The following ATOSA variants were observed in gnomAD, a reference collection of about 807,000 sequenced individuals.
The protein encoded by ATOSA is atos homolog protein A.
At chr15:52,631,401 T>TA in the ATOSA span, among the ~76,000 whole-genome samples, 2 of 152,040 alleles carry the variant, frequency 1.3e-5, no homozygotes, top group Non-Finnish European at 2.9e-5. Context: ...CACCACTTCT[T>TA]AAAAAAAGTC....
At chr15:52,621,572 T>C in the ATOSA span, among the ~76,000 whole-genome samples, 4 of 152,226 alleles carry the variant, frequency 2.6e-5, no homozygotes, top group South Asian at 2.1e-4. Context: ...TGGGAGGTAA[T>C]TGAACCATGG....
the ATOSA span, among the ~76,000 whole-genome samples, chr15:52,584,314 G>T: frequency 6.6e-6 from 1 of 151,586 alleles, no homozygotes; most frequent in Non-Finnish European, 1.5e-5. Flanking sequence ...GGTAATTTTT[G>T]TATTTTTAGT....
the ATOSA span, among the ~76,000 whole-genome samples, chr15:52,661,101 T>C: frequency 3.3e-5 from 5 of 152,250 alleles, no homozygotes; most frequent in African/African-American, 9.6e-5. Context: ...AATTAGTTTA[T>C]ACCATTTCCT....
chr15:52,698,101 C>A, the ATOSA span, among the ~76,000 whole-genome samples: 1 of 150,624 alleles, frequency 6.6e-6, no homozygotes, highest in Non-Finnish European at 1.5e-5. Flanking sequence ...CTCAGCCTCC[C>A]GAGTAGCTGG....
the ATOSA span, among the ~76,000 whole-genome samples, chr15:52,681,764 T>TGAA: frequency 6.6e-6 from 1 of 152,240 alleles, no homozygotes; most frequent in Non-Finnish European, 1.5e-5. Context: ...TTAACTCATC[T>TGAA]TCAGCAACTC....
chr15:52,684,493 T>C, the ATOSA span, among the ~76,000 whole-genome samples: 1 of 152,218 alleles, frequency 6.6e-6, no homozygotes, highest in Non-Finnish European at 1.5e-5. Context: ...GCTATGATTG[T>C]GCCACTGTAC....
chr15:52,643,695 C>T, the ATOSA span, among the ~76,000 whole-genome samples: 1 of 151,664 alleles, frequency 6.6e-6, no homozygotes, highest in Non-Finnish European at 1.5e-5. Context: ...GCAGGCGGAT[C>T]ACAAGGTCAG....
the ATOSA span, among the ~76,000 whole-genome samples, chr15:52,704,704 A>G: frequency 2.0e-4 from 30 of 152,356 alleles, no homozygotes; most frequent in East Asian, 4.4e-3. Context: ...AAAGATATGA[A>G]CAGACAGTTC....
the ATOSA span, among the ~76,000 whole-genome samples, chr15:52,697,957 A>ATTTTTTTTTTT: frequency 7.0e-3 from 312 of 44,786 alleles, 38 homozygotes; most frequent in Non-Finnish European, 0.01. Flanking sequence ...GGGATGTAGA[A>ATTTTTTTTTTT]TTTTTTTTTT....
At chr15:52,691,868 AAG>A in the ATOSA span, among the ~76,000 whole-genome samples, 2 of 116,212 alleles carry the variant, frequency 1.7e-5, no homozygotes, top group South Asian at 2.7e-4. Flanking sequence ...GAAAAAGAAA[AAG>A]AAATTGAAAA....
chr15:52,618,170 C>T, the ATOSA span, among the ~76,000 whole-genome samples: 16 of 152,156 alleles, frequency 1.1e-4, no homozygotes, highest in Admixed American at 1.0e-3. Context: ...TCCTGAGTAG[C>T]TGGGGCTACA....
At chr15:52,610,378 C>G in the ATOSA span, 5 of 1,602,084 alleles carry the variant, frequency 3.1e-6, no homozygotes, top group Non-Finnish European at 4.3e-6. Context: ...ATCAGCAGCA[C>G]TGATTCTAGA....
At chr15:52,605,324 G>C in the ATOSA span, 8 of 1,022,478 alleles carry the variant, frequency 7.8e-6, no homozygotes, top group Admixed American at 1.9e-4. Flanking sequence ...TTTGTTTTTA[G>C]ACTCATTCCT....
the ATOSA span, among the ~76,000 whole-genome samples, chr15:52,664,346 G>A: frequency 6.6e-6 from 1 of 152,156 alleles, no homozygotes; most frequent in Non-Finnish European, 1.5e-5. Context: ...GGGAATACTG[G>A]CCCTGTATCC....
At chr15:52,637,719 C>T in the ATOSA span, among the ~76,000 whole-genome samples, 3 of 152,254 alleles carry the variant, frequency 2.0e-5, no homozygotes, top group Non-Finnish European at 4.4e-5. Flanking sequence ...AGAGCCCAAA[C>T]TCTTACATTT....
At chr15:52,634,057 A>T in the ATOSA span, among the ~76,000 whole-genome samples, 3 of 152,198 alleles carry the variant, frequency 2.0e-5, no homozygotes, top group Non-Finnish European at 4.4e-5. Context: ...TAAAAAACAA[A>T]ACAAAACCCA....
chr15:52,699,599 A>G, the ATOSA span, among the ~76,000 whole-genome samples: 347 of 151,756 alleles, frequency 2.3e-3, 6 homozygotes, highest in South Asian at 0.016. Context: ...AAAAAAACAG[A>G]TCTTATCATG....
the ATOSA span, among the ~76,000 whole-genome samples, chr15:52,583,445 C>T: frequency 4.0e-5 from 6 of 151,346 alleles, no homozygotes; most frequent in African/African-American, 1.5e-4. Context: ...CTCCTTTGCC[C>T]AGGCTGGAGT....
At chr15:52,595,040 G>A in the ATOSA span, among the ~76,000 whole-genome samples, 12 of 152,146 alleles carry the variant, frequency 7.9e-5, no homozygotes, top group African/African-American at 2.4e-4. Context: ...GCTCTTTTAC[G>A]TTTGCACATG....
Sources: gnomAD v4.1 joint callset for allele counts (sites outside exome capture counted in the v4.1 genomes callset) on GRCh38, gnomAD v4.1.1 for gene constraint, MANE v1.5 for transcripts, NCBI Gene and HGNC (gene_info 2026-07-23, HGNC 2026-07-21) for gene names.